Variants in NTMT2 observed in about 807,000 individuals in gnomAD.
NTMT2 encodes the protein N-terminal Xaa-Pro-Lys N-methyltransferase 2, also known as X-Pro-Lys N-terminal protein methyltransferase 1B.
In NTMT2, 21 loss-of-function variants were observed where a neutral mutation model predicts 23.4. That is an observed-to-expected ratio of 0.90 (90% CI 0.64 to 1.29). The LOEUF (loss-of-function observed/expected upper bound fraction) is 1.29, where lower values mean the gene tolerates loss of function less well. Among genes scored for constraint, NTMT2 ranks in the 50% most tolerant of loss-of-function variants. The pLI, the probability that NTMT2 is intolerant of heterozygous loss-of-function variation, is 0.00. For synonymous variants in NTMT2, 131 were observed against 127.7 expected (o/e 1.03, Z -0.17); for missense variants, 336 against 352.0 (o/e 0.95, Z 0.36).
chr1:170,150,030 A>G (rs1673037472), intron 1 of NTMT2, among the ~76,000 whole-genome samples: 1 of 152,250 alleles, frequency 6.6e-6, no homozygotes, highest in African/African-American at 2.4e-5. Context: ...AAGACTTCAT[A>G]GAAATGAAAA....
chr1:170,167,560 A>G lies in NTMT2; in HGVS notation c.655A>G (p.Ile219Val). The change falls in exon 4 of 4, where the codon ATA (isoleucine) becomes GTA (valine). Residue 219 changes from isoleucine (I) to valine (V), a missense_variant. By Grantham distance (29) the Ile-to-Val change is conservative. Transcript: ENST00000439373. Reference protein sequence around the residue: ...RDGLKENGIIILKDNVAREGC... With the variant: ...RDGLKENGIIVLKDNVAREGC... ...TGGCCTGAAAGAAAATGGCATCATCATATTGAAGGACAATGTGGCCCGGGA... is the reference window on the plus strand; with the variant it reads ...TGGCCTGAAAGAAAATGGCATCATCGTATTGAAGGACAATGTGGCCCGGGA... 6.4e-7 allele frequency: 1 copy of G among 1,551,648 alleles called. No individual in the cohort carries two copies. Among genetic ancestry groups the G allele is most frequent in the Non-Finnish European group, 8.7e-7 (1 of 1,146,990 alleles).
Position 170,167,504 on chromosome 1 carries a change from A to T in NTMT2, c.599A>T (p.Asp200Val). 4 of 1,550,736 alleles carry T rather than the reference A, an allele frequency of 2.6e-6. No homozygotes were observed. The highest frequency in any genetic ancestry group is 3.5e-6 in the Non-Finnish European group (4 of 1,146,450). ...QWVSGHLTDK[D>V]LLAFLSRCRD... ...CTTGTAGGGCACCTGACTGATAAGGACCTTCTTGCATTTCTTTCCCGGTGC... is the reference window on the plus strand; with the variant it reads ...CTTGTAGGGCACCTGACTGATAAGGTCCTTCTTGCATTTCTTTCCCGGTGC... The change falls in exon 4 of 4, where the codon GAC becomes GTC. Residue 200 changes from aspartate to valine, a missense_variant. Physicochemically the swap from Asp to Val is radical, Grantham distance 152 (BLOSUM62 -3). Coordinates refer to ENST00000439373, the MANE Select transcript of NTMT2 (RefSeq NM_001136107.2).
At chr1:170,159,718 C>A (rs1378447644) in intron 1 of NTMT2, among the ~76,000 whole-genome samples, 3 of 152,114 alleles carry the variant, frequency 2.0e-5, no homozygotes, top group Middle Eastern at 3.2e-3. Flanking sequence ...ACCAGAAGTT[C>A]CATCCTTTAA....
rs762667428 is a variant in NTMT2, at chr1:170,166,527, G to C, written c.356G>C (p.Cys119Ser). ...GGGCCTGGGAGAGCTGGAACAGACT[G>C]CGCCTTGGACTGCGGCTCCGGGATA... ...VGGPGRAGTD[C>S]ALDCGSGIGR... Residue 119 changes from cysteine to serine, a missense_variant, in exon 3 of 4, where the codon TGC becomes TCC. Coordinates refer to ENST00000439373, the MANE Select transcript of NTMT2 (RefSeq NM_001136107.2). 2 of 1,552,322 alleles carry C rather than the reference G, an allele frequency of 1.3e-6. No individual in the cohort carries two copies. The highest frequency in any genetic ancestry group is 2.4e-5 in the South Asian group (2 of 84,050).
At chr1:170,151,263 T>C (rs1399995547) in intron 1 of NTMT2, 1 of 153,376 alleles carries the variant, frequency 6.5e-6, no homozygotes, top group African/African-American at 2.4e-5. Flanking sequence ...TTGTGATAGT[T>C]AAAAGAGACA....
intron 2 of NTMT2, among the ~76,000 whole-genome samples, chr1:170,164,121 C>CAA (rs36025340): frequency 2.0e-5 from 2 of 101,952 alleles, no homozygotes; most frequent in Non-Finnish European, 2.0e-5. Flanking sequence ...GACTCTATCT[C>CAA]AAAAAAAAAA....
At chr1:170,157,229 T>C (rs985814329) in intron 1 of NTMT2, among the ~76,000 whole-genome samples, 1 of 152,142 alleles carries the variant, frequency 6.6e-6, no homozygotes, top group South Asian at 2.1e-4. Flanking sequence ...TTTTTGAACA[T>C]AAGGACCATC....
chr1:170,164,148 G>A (rs868524151), intron 2 of NTMT2, among the ~76,000 whole-genome samples: 4 of 147,626 alleles, frequency 2.7e-5, no homozygotes, highest in Non-Finnish European at 6.0e-5. Flanking sequence ...AAAAAAGACC[G>A]TCTTGTTTTG....
In NTMT2 at chr1:170,145,987, A is replaced by G. The variant is rs1672955521; in HGVS notation, c.-121A>G. On this transcript the variant is annotated 5_prime_UTR_variant, in exon 1 of 4. An upstream start codon of the reference 5' UTR is lost. Coordinates refer to ENST00000439373, the MANE Select transcript of NTMT2 (RefSeq NM_001136107.2). Reference sequence around the variant, plus strand: ...CCCATGACAGCCTGTCCTGATATAGATGGAGAGGGGACTGGTTTAAAATGA... The same window carrying G: ...CCCATGACAGCCTGTCCTGATATAGGTGGAGAGGGGACTGGTTTAAAATGA... 1 of 933,954 alleles carries G rather than the reference A, an allele frequency of 1.1e-6. No homozygotes were observed. The highest frequency in any genetic ancestry group is 1.6e-6 in the Non-Finnish European group (1 of 636,196). 57.9% of individuals were successfully genotyped at this position (933,954 alleles called of 1,614,324 possible).
chr1:170,145,993 A>C lies in NTMT2; in HGVS notation c.-115A>C. 1.0e-6 allele frequency: 1 copy of C among 976,412 alleles called. No individual in the cohort carries two copies. The highest frequency in any genetic ancestry group is 1.5e-6 in the Non-Finnish European group (1 of 672,370). 60.5% of individuals were successfully genotyped at this position (976,412 alleles called of 1,614,324 possible). A position where few individuals can be genotyped will look rare whatever the true frequency, so the allele number is the denominator to read the frequency against. On this transcript the variant is annotated 5_prime_UTR_variant, in exon 1 of 4. Coordinates refer to ENST00000439373, the MANE Select transcript of NTMT2 (RefSeq NM_001136107.2). ...ACAGCCTGTCCTGATATAGATGGAGAGGGGACTGGTTTAAAATGACAGTCT... is the reference window on the plus strand; with the variant it reads ...ACAGCCTGTCCTGATATAGATGGAGCGGGGACTGGTTTAAAATGACAGTCT...
intron 3 of NTMT2, among the ~76,000 whole-genome samples, 165 bp downstream of exon 3, chr1:170,166,916 T>A (rs1673406020): frequency 6.6e-6 from 1 of 152,168 alleles, no homozygotes; most frequent in South Asian, 2.1e-4. Context: ...TCCTCCAGAT[T>A]TCTCCCTTGA....
intron 1 of NTMT2, among the ~76,000 whole-genome samples, chr1:170,148,510 A>G (rs1307001228): frequency 1.3e-5 from 2 of 151,898 alleles, no homozygotes; most frequent in African/African-American, 4.8e-5. Context: ...CTTTCCATAA[A>G]TGGGCATTGC....
intron 1 of NTMT2, among the ~76,000 whole-genome samples, chr1:170,150,214 G>A (rs1034628853): frequency 5.3e-5 from 8 of 152,224 alleles, no homozygotes; most frequent in Admixed American, 2.0e-4. Context: ...ACTCCAGCAC[G>A]ATATGTGGTG....
intron 1 of NTMT2, among the ~76,000 whole-genome samples, chr1:170,159,018 C>G (rs933957462): frequency 1.3e-5 from 2 of 151,420 alleles, no homozygotes; most frequent in Non-Finnish European, 3.0e-5. Flanking sequence ...CTTTGTTTTT[C>G]AGGCTTCTTA....
chr1:170,148,485 T>A (rs184432903), intron 1 of NTMT2, among the ~76,000 whole-genome samples: 39 of 152,124 alleles, frequency 2.6e-4, no homozygotes, highest in African/African-American at 9.2e-4. Context: ...TTGCCTTCAT[T>A]TTACTTATTT....
At position 170,168,528 on chromosome 1, in the gene NTMT2, T is replaced by A. The variant is rs1673444280; in HGVS notation, c.*771T>A. On this transcript the variant is annotated 3_prime_UTR_variant, in exon 4 of 4. Transcript: ENST00000439373. ...TCTCTTGGCAGAAAAGGTATTTGGT[T>A]TCACTTTCTATTTTGGGTCAGTTTT... 2.0e-5 allele frequency among the ~76,000 whole-genome samples: 3 copies of A among 152,240 alleles called. No individual in the cohort carries two copies. In the South Asian group the frequency reaches 6.2e-4, roughly 31 times the overall value.
intron 1 of NTMT2, among the ~76,000 whole-genome samples, chr1:170,159,463 G>T (rs1162378785): frequency 9.8e-6 from 1 of 101,820 alleles, no homozygotes. Flanking sequence ...ATTCTCATTC[G>T]TACATTTGCC....
intron 1 of NTMT2, among the ~76,000 whole-genome samples, chr1:170,153,460 G>A (rs941738657): frequency 6.6e-6 from 1 of 152,234 alleles, no homozygotes; most frequent in Non-Finnish European, 1.5e-5. Flanking sequence ...TGCTGATAGT[G>A]ACAAGGACAG....
Position 170,167,787 on chromosome 1 carries a change from G to C in NTMT2, c.*30G>C. 1 of 1,524,146 alleles carries C rather than the reference G, an allele frequency of 6.6e-7. No homozygotes were observed. The highest frequency in any genetic ancestry group is 1.3e-5 in the South Asian group (1 of 79,808). 94.4% of individuals were successfully genotyped at this position (1,524,146 alleles called of 1,614,324 possible). ...GCAGTGGGAATGAACGACTGGACTG[G>C]GCAGTGGTGCTTTGGGATGGGGTTG... On this transcript the variant is annotated 3_prime_UTR_variant, in exon 4 of 4. Transcript: ENST00000439373.
Sources: allele counts gnomAD v4.1 joint callset (sites outside exome capture counted in the v4.1 genomes callset), GRCh38; gene constraint gnomAD v4.1.1; transcripts MANE v1.5; gene names NCBI Gene and HGNC (gene_info 2026-07-23, HGNC 2026-07-21).